SPATA1: variants seen among roughly 807,000 people sequenced by gnomAD.
SPATA1 encodes the protein spermatogenesis associated 1, also known as spermatogenesis-associated protein 1.
A neutral mutation model predicts 59.6 loss-of-function variants in SPATA1; 57 were observed. That is an observed-to-expected ratio of 0.96 (90% CI 0.77 to 1.19). SPATA1 has a LOEUF of 1.19. Among genes scored for constraint, SPATA1 ranks in the 50% most tolerant of loss-of-function variants. SPATA1 has a pLI of 0.00. For synonymous variants in SPATA1, 147 were observed against 163.9 expected (o/e 0.90, Z 0.79); for missense variants, 448 against 480.7 (o/e 0.93, Z 0.64).
chr1:84,521,492 C>CT (rs1683025742), intron 3 of SPATA1, among the ~76,000 whole-genome samples: 1 of 152,074 alleles, frequency 6.6e-6, no homozygotes, highest in African/African-American at 2.4e-5. Flanking sequence ...CTTTCTGTTC[C>CT]TTTTGTCTAG....
intron 7 of SPATA1, 87 bp from the exon 8 acceptor site, chr1:84,533,622 A>G (rs897089696): frequency 2.9e-6 from 3 of 1,049,436 alleles, no homozygotes; most frequent in African/African-American, 1.6e-5. Flanking sequence ...GTGTTTACAG[A>G]GCATCAAATA....
intron 6 of SPATA1, among the ~76,000 whole-genome samples, chr1:84,531,151 G>C (rs1354310684): frequency 6.6e-6 from 1 of 151,894 alleles, no homozygotes; most frequent in Non-Finnish European, 1.5e-5. Flanking sequence ...TAGACAATCT[G>C]TTTTTTTGTT....
intron 6 of SPATA1, among the ~76,000 whole-genome samples, chr1:84,527,417 T>C (rs1468163345): frequency 1.3e-5 from 2 of 152,080 alleles, no homozygotes; most frequent in Non-Finnish European, 2.9e-5. Context: ...AAAATAAGTA[T>C]AAAGTATACT....
exon 7 of SPATA1, chr1:84,532,868 A>G: frequency 6.4e-7 from 1 of 1,551,068 alleles, no homozygotes; most frequent in Non-Finnish European, 8.7e-7. Flanking sequence ...AGCTGGGGGA[A>G]AAGCCACTGC....
rs1310907189 is a variant in SPATA1, at chr1:84,511,679, CT to C, written c.-137-4525del. ...GCTTTTTTTTTTTTTTTCTTTCTTT[CT>C]TTTTTTTTTTTTTTTTTTGAGACAG... is the stretch of plus-strand genomic sequence containing the variant. On this transcript the variant is annotated intron_variant, in intron 1 of 12. Coordinates refer to ENST00000490879, the Ensembl canonical transcript of SPATA1. 8.6e-3 allele frequency among the ~76,000 whole-genome samples: 578 copies of C among 67,586 alleles called. 15 individuals carry two copies. Among genetic ancestry groups the C allele is most frequent in the African/African-American group, 0.022 (385 of 17,334 alleles). The allele number at this position is 67,586 out of a possible 152,430, so 44.3% of individuals were successfully genotyped here.
chr1:84,551,092 T>C, intron 12 of SPATA1: 1 of 985,328 alleles, frequency 1.0e-6, no homozygotes, highest in South Asian at 4.7e-5. Context: ...TTGGTGAGAA[T>C]TGTGTACAAC....
chr1:84,509,428 A>C (rs1682439537), intron 1 of SPATA1, among the ~76,000 whole-genome samples: 1 of 152,256 alleles, frequency 6.6e-6, no homozygotes, highest in Non-Finnish European at 1.5e-5. Context: ...AAAATGGGTT[A>C]AAGACTTAAA....
intron 4 of SPATA1, 52 bp from the exon 14 acceptor site, chr1:84,565,806 ATAT>A (rs1684688159): frequency 8.7e-7 from 1 of 1,148,910 alleles, no homozygotes. Flanking sequence ...AATATTATTA[ATAT>A]TATTAATAAA....
chr1:84,565,956 A>G, exon 5 of SPATA1: 2 of 1,596,956 alleles, frequency 1.3e-6, no homozygotes, highest in Non-Finnish European at 1.7e-6. Context: ...CGATTCCAGT[A>G]TAATTATAGC....
At chr1:84,516,872 T>C (rs554711478) in intron 2 of SPATA1, among the ~76,000 whole-genome samples, 2 of 152,250 alleles carry the variant, frequency 1.3e-5, no homozygotes, top group Non-Finnish European at 2.9e-5. Flanking sequence ...TCACTTTAAA[T>C]TCATGACCAT....
At chr1:84,533,795 T>C (rs565102466) in intron 8 of SPATA1, 29 bp downstream of exon 8, 219 of 1,340,566 alleles carry the variant, frequency 1.6e-4, no homozygotes, top group Non-Finnish European at 2.2e-4. Flanking sequence ...TGTTTAAACA[T>C]GGTATTGCAA....
intron 1 of SPATA1, among the ~76,000 whole-genome samples, chr1:84,509,758 C>T (rs1682454160): frequency 3.3e-5 from 5 of 151,894 alleles, no homozygotes; most frequent in Admixed American, 2.6e-4. Flanking sequence ...AGAGTGAGAC[C>T]CATCTCTCAA....
chr1:84,526,244 G>A, intron 6 of SPATA1, 171 bp downstream of exon 6: 1 of 526,950 alleles, frequency 1.9e-6, no homozygotes, highest in Non-Finnish European at 3.3e-6. Context: ...CAGATGGGAG[G>A]AAAAGAAAAC....
At chr1:84,512,981 T>C (rs1682636450) in intron 1 of SPATA1, among the ~76,000 whole-genome samples, 1 of 152,264 alleles carries the variant, frequency 6.6e-6, no homozygotes, top group African/African-American at 2.4e-5. Context: ...ATTTGAATTG[T>C]TGGCATCATT....
chr1:84,525,642 A>G (rs1683185406), intron 4 of SPATA1, 54 bp from the exon 5 acceptor site: 1 of 1,492,764 alleles, frequency 6.7e-7, no homozygotes, highest in African/African-American at 1.4e-5. Context: ...AGGTAAAAAT[A>G]ATTGAAAAAA....
intron 1 of SPATA1, among the ~76,000 whole-genome samples, chr1:84,509,943 T>C (rs1682463509): frequency 6.6e-6 from 1 of 152,086 alleles, no homozygotes; most frequent in Non-Finnish European, 1.5e-5. Context: ...ATCCCAGCAC[T>C]TTGGGAGGCT....
At chr1:84,511,779 T>C (rs2101911901) in intron 1 of SPATA1, among the ~76,000 whole-genome samples, 1 of 150,424 alleles carries the variant, frequency 6.6e-6, no homozygotes, top group East Asian at 1.9e-4. Context: ...CCTCCTGGGT[T>C]CAAGCAAGTC....
intron 9 of SPATA1, among the ~76,000 whole-genome samples, chr1:84,545,194 G>A (rs1205556182): frequency 1.3e-5 from 2 of 150,086 alleles, no homozygotes; most frequent in Admixed American, 6.6e-5. Context: ...TCCAGCCTGA[G>A]CAACAGAGTG....
chr1:84,558,359 G>A (rs373698274), downstream of SPATA1, among the ~76,000 whole-genome samples: 1 of 150,088 alleles, frequency 6.7e-6, no homozygotes, highest in Non-Finnish European at 1.5e-5. Flanking sequence ...GCGGGATCTC[G>A]GCTCACTGCA....
Sources: allele counts gnomAD v4.1 joint callset (sites outside exome capture counted in the v4.1 genomes callset), GRCh38; gene constraint gnomAD v4.1.1; transcripts MANE v1.5; gene names NCBI Gene and HGNC (gene_info 2026-07-23, HGNC 2026-07-21).